The following DMBT1 variants were observed in gnomAD, a reference collection of about 807,000 sequenced individuals.
DMBT1 encodes the protein deleted in malignant brain tumors 1, also known as scavenger receptor cysteine-rich domain-containing protein DMBT1.
In DMBT1, 198 loss-of-function variants were observed where a neutral mutation model predicts 252.9. The observed-to-expected ratio is 0.78, with a 90% CI of 0.70 to 0.88. The LOEUF (loss-of-function observed/expected upper bound fraction) is 0.88, where lower values mean the gene tolerates loss of function less well. Ranked by LOEUF, DMBT1 falls within the 40% of genes least tolerant of loss-of-function variation. DMBT1 has a pLI of 0.00. For synonymous variants in DMBT1, 990 were observed against 942.7 expected, an observed-to-expected ratio of 1.05 and a Z score of -0.92; for missense variants, 2,432 against 2,404.7, an observed-to-expected ratio of 1.01 and a Z score of -0.24.
Position 122,598,775 on chromosome 10 carries a change from A to T in DMBT1, c.2958A>T (p.Gly986=), listed in dbSNP as rs776890512. The T allele has an allele frequency of 1.2e-6, 2 of 1,613,000 alleles. No individual in the cohort carries two copies. Among genetic ancestry groups the T allele is most frequent in the Admixed American group, 1.7e-5 (1 of 60,022 alleles). The change falls in exon 26 of 56, where the codon GGA becomes GGT. Residue 986 remains glycine, a splice_region_variant and synonymous_variant. Coordinates refer to ENST00000338354, the MANE Select transcript of DMBT1 (RefSeq NM_001377530.1). ...PTITLPASTV[G]SESSLALRLV... ...AAGGATTCTTGTGTTCCCCTGTAGG[A>T]TCTGAATCCAGTTTGGCCCTGAGGC...
At chr10:122,636,721 G>T (rs888164392) in intron 53 of DMBT1, among the ~76,000 whole-genome samples, 6 of 152,262 alleles carry the variant, frequency 3.9e-5, no homozygotes, top group African/African-American at 1.4e-4. Flanking sequence ...GCCAGGCAAG[G>T]TGACATCCAG....
At chr10:122,620,159 A>T in intron 42 of DMBT1, 94 bp from the exon 43 acceptor site, 1 of 1,319,836 alleles carries the variant, frequency 7.6e-7, no homozygotes, top group Non-Finnish European at 1.1e-6. Context: ...GAAATTGAAT[A>T]GTTTTCATGA....
At chr10:122,621,426 C>G (rs777958945) in intron 44 of DMBT1, 46 bp downstream of exon 44, 4 of 1,612,278 alleles carry the variant, frequency 2.5e-6, no homozygotes, top group Non-Finnish European at 3.4e-6. Flanking sequence ...GTGGAGTTTG[C>G]TCCAGAAGAA....
At chr10:122,624,577 C>T (rs1291411139) in intron 44 of DMBT1, among the ~76,000 whole-genome samples, 4 of 152,134 alleles carry the variant, frequency 2.6e-5, no homozygotes, top group Non-Finnish European at 5.9e-5. Flanking sequence ...ATGGAGGTGA[C>T]CAGTGTCAGG....
At chr10:122,566,139 G>A (rs948579839) in intron 2 of DMBT1, 143 bp downstream of exon 2, 8 of 845,286 alleles carry the variant, frequency 9.5e-6, no homozygotes, top group East Asian at 5.3e-5. Flanking sequence ...GGGGACAGGA[G>A]ACGTGCGTGC....
At chr10:122,577,251 A>G (rs1448358690) in intron 7 of DMBT1, among the ~76,000 whole-genome samples, 1 of 152,178 alleles carries the variant, frequency 6.6e-6, no homozygotes, top group Non-Finnish European at 1.5e-5. Context: ...CCCCTTGAAC[A>G]CTGTATTACC....
intron 6 of DMBT1, among the ~76,000 whole-genome samples, chr10:122,574,536 G>T (rs1004887865): frequency 6.6e-6 from 1 of 152,148 alleles, no homozygotes; most frequent in Admixed American, 6.5e-5. Context: ...CCCATGGGGT[G>T]AGGTCTGACT....
intron 48 of DMBT1, among the ~76,000 whole-genome samples, 161 bp downstream of exon 48, chr10:122,630,651 G>A (rs759683858): frequency 6.6e-6 from 1 of 152,170 alleles, no homozygotes; most frequent in Non-Finnish European, 1.5e-5. Flanking sequence ...CCTTGGGAAG[G>A]CAGCAAAGGG....
At chr10:122,628,555 G>A (rs1208306360) in intron 46 of DMBT1, among the ~76,000 whole-genome samples, 1 of 152,178 alleles carries the variant, frequency 6.6e-6, no homozygotes, top group African/African-American at 2.4e-5. Flanking sequence ...AGAATCGCTT[G>A]AACCCGGGAA....
intron 5 of DMBT1, among the ~76,000 whole-genome samples, chr10:122,573,101 G>A (rs1361022838): frequency 6.6e-6 from 1 of 152,094 alleles, no homozygotes; most frequent in Non-Finnish European, 1.5e-5. Flanking sequence ...CCAAAGACGA[G>A]TTTCTGGTTA....
chr10:122,622,443 C>T (rs2098079477), intron 44 of DMBT1, among the ~76,000 whole-genome samples: 1 of 152,244 alleles, frequency 6.6e-6, no homozygotes, highest in Non-Finnish European at 1.5e-5. Flanking sequence ...TCTGGAGCTT[C>T]AGGTACAGCT....
In DMBT1 at chr10:122,592,268, G is replaced by C. The variant is rs1425786051; in HGVS notation, c.2177-4G>C. ...GGATAAAGGGTTCTTGTGTTCCCCT[G>C]TAGGATCTGAATCCAGTTTGACCCT... is the stretch of plus-strand genomic sequence containing the variant. On this transcript the variant is annotated splice_polypyrimidine_tract_variant and splice_region_variant and intron_variant, in intron 19 of 55. Transcript: ENST00000338354. 1.3e-6 allele frequency: 2 copies of C among 1,586,422 alleles called. 1 individual carries two copies. The highest frequency in any genetic ancestry group is 2.7e-5 in the African/African-American group (2 of 74,490).
chr10:122,588,992 G>A lies in DMBT1; in HGVS notation c.1832G>A (p.Cys611Tyr). ...ALRLVNGGDR[C>Y]QGRVEVLYRG... ...AGGCTGGTGAATGGAGGTGACAGGTGTCAGGGCCGAGTGGAGGTCCTATAC... is the reference window on the plus strand; with the variant it reads ...AGGCTGGTGAATGGAGGTGACAGGTATCAGGGCCGAGTGGAGGTCCTATAC... The change falls in exon 17 of 56, where the codon TGT (cysteine) becomes TAT (tyrosine). Residue 611 changes from cysteine to tyrosine, a missense_variant. Cys to Tyr is a radical substitution (Grantham distance 194). Transcript: ENST00000338354. 1 of 1,588,628 alleles carries A rather than the reference G, an allele frequency of 6.3e-7. No individual in the cohort carries two copies. The highest frequency in any genetic ancestry group is 8.6e-7 in the Non-Finnish European group (1 of 1,165,908).
At chr10:122,632,214 C>G (rs1171236090) in intron 50 of DMBT1, among the ~76,000 whole-genome samples, 1 of 152,104 alleles carries the variant, frequency 6.6e-6, no homozygotes. Flanking sequence ...CCCTGAGCTG[C>G]TCTGAGTGTT....
chr10:122,599,945 G>C (rs921201857), intron 26 of DMBT1, 119 bp from the exon 27 acceptor site: 49 of 1,425,914 alleles, frequency 3.4e-5, no homozygotes, highest in African/African-American at 5.7e-5. Flanking sequence ...GCCCCTCCCT[G>C]TGTGATAGGA....
At chr10:122,619,135 C>A (rs540872048) in intron 41 of DMBT1, among the ~76,000 whole-genome samples, 173 bp from the exon 42 acceptor site, 2 of 152,222 alleles carry the variant, frequency 1.3e-5, no homozygotes, top group Non-Finnish European at 2.9e-5. Context: ...GATCTGCCTG[C>A]ACCCCTTATA....
chr10:122,629,153 G>T (rs544253098), intron 46 of DMBT1, among the ~76,000 whole-genome samples: 42 of 152,258 alleles, frequency 2.8e-4, no homozygotes, highest in African/African-American at 9.6e-4. Flanking sequence ...CTCTCTAAGA[G>T]TTTATATAGA....
chr10:122,565,662 T>A lies in DMBT1; in HGVS notation c.62-305T>A, dbSNP rs1275812753. On this transcript the variant is annotated intron_variant, in intron 1 of 55. Transcript: ENST00000338354. ...TGGACAACGAGCTTAAGCTGTCTTC[T>A]CTTGTCCAGCCCTTCTTTCCAAGCA... 3.3e-5 allele frequency among the ~76,000 whole-genome samples: 5 copies of A among 152,226 alleles called. No individual in the cohort carries two copies. In the East Asian group the frequency reaches 5.8e-4, roughly 18 times the overall value.
At chr10:122,622,789 A>G (rs999078430) in intron 44 of DMBT1, among the ~76,000 whole-genome samples, 4 of 152,216 alleles carry the variant, frequency 2.6e-5, no homozygotes, top group African/African-American at 9.6e-5. Context: ...TGAATCTTGT[A>G]GGATGCTACT....
Sources: gnomAD v4.1 joint callset for allele counts (sites outside exome capture counted in the v4.1 genomes callset) on GRCh38, gnomAD v4.1.1 for gene constraint, MANE v1.5 for transcripts, NCBI Gene and HGNC (gene_info 2026-07-23, HGNC 2026-07-21) for gene names.